GET1: variants seen among roughly 807,000 people sequenced by gnomAD.
GET1 encodes congenital heart disease 5 protein.
In GET1, 20 loss-of-function variants were observed where a neutral mutation model predicts 22.6. The observed-to-expected ratio is 0.89, with a 90% CI of 0.62 to 1.29. The LOEUF is 1.29. Ranked by LOEUF, GET1 falls within the 50% of genes most tolerant of loss-of-function variation. The pLI, the probability that GET1 is intolerant of heterozygous loss-of-function variation, is 0.00. For synonymous variants in GET1, 92 were observed against 83.8 expected (o/e 1.10, Z -0.53); for missense variants, 209 against 219.9 (o/e 0.95, Z 0.31).
chr21:39,427,992 T>C lies in GET1; in HGVS notation c.*24-240T>C. 7.9e-6 allele frequency: 4 copies of C among 505,002 alleles called. No homozygotes were observed. In the South Asian group the frequency reaches 1.1e-4, roughly 13 times the overall value. 31.3% of individuals were successfully genotyped at this position (505,002 alleles called of 1,614,324 possible). A position where few individuals can be genotyped will look rare whatever the true frequency, so the allele number is the denominator to read the frequency against. Reference sequence around the variant, plus strand: ...CTTTACATGTGAAGCCTTTCTGTTATTTTATAATTACTCTTAATTTCTCTA... The same window carrying C: ...CTTTACATGTGAAGCCTTTCTGTTACTTTATAATTACTCTTAATTTCTCTA... On this transcript the variant is annotated intron_variant, in intron 1 of 1. Coordinates refer to the GET1 transcript ENST00000478273.
downstream of GET1, among the ~76,000 whole-genome samples, chr21:39,408,336 G>C (rs1047698155): frequency 6.6e-6 from 1 of 152,206 alleles, no homozygotes; most frequent in Non-Finnish European, 1.5e-5. Flanking sequence ...GCTAGTGAAG[G>C]TTGTGCTCTT....
At chr21:39,390,042 G>GTT (rs553712185) in intron 1 of GET1, among the ~76,000 whole-genome samples, 1,946 of 130,878 alleles carry the variant, frequency 0.015, 55 homozygotes, top group African/African-American at 0.052. Context: ...TTGAATATGA[G>GTT]TTTTTTTTTT....
At position 39,391,759 on chromosome 21, in the gene GET1, T is replaced by G; in HGVS notation, c.269-10T>G. The stretch of plus-strand genomic sequence containing the variant: ...ACTGACATAATTATTTATCCTGTTT[T>G]TCCTTTCAGTGAAAGCTCGGACAGC... On this transcript the variant is annotated splice_polypyrimidine_tract_variant and intron_variant, in intron 2 of 4. Coordinates refer to ENST00000649170, the MANE Select transcript of GET1 (RefSeq NM_004627.6). 1 of 1,613,906 alleles carries G rather than the reference T, an allele frequency of 6.2e-7. No homozygotes were observed. The highest frequency in any genetic ancestry group is 8.5e-7 in the Non-Finnish European group (1 of 1,179,872).
downstream of GET1, chr21:39,409,960 T>C: frequency 2.3e-6 from 3 of 1,312,890 alleles, no homozygotes; most frequent in Non-Finnish European, 2.2e-6. This position sits in a 1 kb window ranked among gnomAD's most constrained non-coding sequence, Gnocchi z 4.2. Flanking sequence ...TAAGATAGAC[T>C]TTAAAGAGTT....
chr21:39,384,581 T>A (rs1207964560), intron 1 of GET1, among the ~76,000 whole-genome samples: 2 of 139,514 alleles, frequency 1.4e-5, no homozygotes, highest in Admixed American at 7.3e-5. Flanking sequence ...TTTTTTTTTT[T>A]AACTTTTAAG....
At chr21:39,392,893 C>A in intron 3 of GET1, 1 of 361,324 alleles carries the variant, frequency 2.8e-6, no homozygotes, top group Non-Finnish European at 5.0e-6. Context: ...CAGTGAAATG[C>A]CAGTTCACAT....
rs937398030 is a variant in GET1, at chr21:39,404,004, C to G, written c.350-1910C>G. On this transcript the variant is annotated intron_variant, in intron 4 of 4. Coordinates refer to the GET1 transcript ENST00000415847. ...GCAGTGGCACGATCCTGGCTCACTG[C>G]AACCTCCTCCCAGGTTCAAGCGATT... is the stretch of plus-strand genomic sequence containing the variant. Among the ~76,000 whole-genome samples the G allele has an allele frequency of 1.2e-4, 19 of 152,194 alleles. 1 individual carries two copies. Among genetic ancestry groups the G allele is most frequent in the Admixed American group, 1.3e-4 (2 of 15,286 alleles).
downstream of GET1, among the ~76,000 whole-genome samples, chr21:39,400,203 C>CG (rs2038806338): frequency 6.6e-6 from 1 of 152,030 alleles, no homozygotes; most frequent in South Asian, 2.1e-4. Context: ...CTGACAGCCC[C>CG]CCGGAACCGG....
chr21:39,380,456 T>G lies in GET1; in HGVS notation c.72T>G (p.Leu24=). ...GCTTCGTGTTTGGATGCAATGTTCT[T>G]AGGATCCTCCTCCCGTCCTTCTCAT... ...VLSFVFGCNV[L]RILLPSFSSF... The change falls in exon 1 of 5, where the codon CTT becomes CTG. Residue 24 remains leucine, a synonymous_variant. Coordinates refer to ENST00000649170, the MANE Select transcript of GET1 (RefSeq NM_004627.6). The G allele has an allele frequency of 6.2e-7, 1 of 1,613,340 alleles. No individual in the cohort carries two copies. The highest frequency in any genetic ancestry group is 8.5e-7 in the Non-Finnish European group (1 of 1,179,718).
downstream of GET1, among the ~76,000 whole-genome samples, chr21:39,409,167 C>T (rs1339581466): frequency 6.6e-6 from 1 of 152,092 alleles, no homozygotes; most frequent in Non-Finnish European, 1.5e-5. The surrounding 1 kb of genome is among the most constrained non-coding windows in gnomAD (Gnocchi z 4.2). Context: ...GGTGCTCTCT[C>T]CCCGACTCTC....
intron 1 of GET1, chr21:39,385,959 A>ATACACTGTGCAGG (rs1569031728): frequency 1.3e-5 from 2 of 152,214 alleles, no homozygotes; most frequent in Non-Finnish European, 2.9e-5. Context: ...TGCGAGCTGC[A>ATACACTGTGCAGG]CGCACTGCGC....
At chr21:39,391,650 C>A (rs1376549088) in intron 2 of GET1, 119 bp from the exon 3 acceptor site, 3 of 943,126 alleles carry the variant, frequency 3.2e-6, no homozygotes, top group Admixed American at 5.0e-5. Flanking sequence ...ATATGTTGAG[C>A]GATTGTTCCA....
intron 4 of GET1, 47 bp downstream of exon 4, chr21:39,393,327 T>C (rs568900795): frequency 2.1e-6 from 3 of 1,432,426 alleles, no homozygotes; most frequent in Non-Finnish European, 9.8e-7. Flanking sequence ...AATAGGCTTA[T>C]GTAGAGGTGT....
chr21:39,411,972 A>G (rs1467835449), intron 1 of GET1, among the ~76,000 whole-genome samples: 2 of 152,236 alleles, frequency 1.3e-5, no homozygotes, highest in Non-Finnish European at 2.9e-5. Context: ...ATCGAAAAGT[A>G]CTAGCTCTTT....
downstream of GET1, among the ~76,000 whole-genome samples, chr21:39,409,354 T>C (rs2039676091): frequency 6.6e-6 from 1 of 152,042 alleles, no homozygotes; most frequent in South Asian, 2.1e-4. This position sits in a 1 kb window ranked among gnomAD's most constrained non-coding sequence, Gnocchi z 4.2. Context: ...CTGTGGTATT[T>C]TCTTATGGCA....
intron 1 of GET1, chr21:39,423,609 C>G (rs1166495955): frequency 1.3e-6 from 1 of 791,658 alleles, no homozygotes; most frequent in African/African-American, 1.8e-5. Flanking sequence ...TACACACAAG[C>G]GTAAGTGTAA....
At position 39,391,827 on chromosome 21, in the gene GET1, C is replaced by T. The variant is rs138483038; in HGVS notation, c.327C>T (p.Tyr109=). The T allele has an allele frequency of 5.6e-5, 90 of 1,613,936 alleles. No homozygotes were observed. Among genetic ancestry groups the T allele is most frequent in the Middle Eastern group, 1.6e-4 (1 of 6,082 alleles). ...KIKWVISVAF[Y]VLQAALMISL... ...AATGGGTGATAAGTGTCGCTTTCTA[C>T]GTATTGCAGGTAAGTGTGCTAGAGC... The change falls in exon 3 of 5, where the codon TAC becomes TAT. Residue 109 remains tyrosine (Y), a synonymous_variant. Coordinates refer to ENST00000649170, the MANE Select transcript of GET1 (RefSeq NM_004627.6).
chr21:39,386,762 T>A (rs1001441621), intron 1 of GET1, among the ~76,000 whole-genome samples: 1 of 152,240 alleles, frequency 6.6e-6, no homozygotes, highest in African/African-American at 2.4e-5. Flanking sequence ...TATTAAATCT[T>A]ACACTGCATG....
intron 1 of GET1, chr21:39,421,557 A>T (rs1183683756): frequency 6.6e-6 from 1 of 152,204 alleles, no homozygotes; most frequent in Non-Finnish European, 1.5e-5. Context: ...CCATCCATAA[A>T]TATATTCATC....
Sources: allele counts gnomAD v4.1 joint callset (sites outside exome capture counted in the v4.1 genomes callset), GRCh38; gene constraint gnomAD v4.1.1; non-coding constraint Gnocchi (gnomAD v3.1); transcripts MANE v1.5; gene names NCBI Gene and HGNC (gene_info 2026-07-23, HGNC 2026-07-21).